Variants in KLRC1 observed in about 807,000 individuals in gnomAD.
The protein encoded by KLRC1 is killer cell lectin like receptor C1.
KLRC1 carries 22 observed loss-of-function variants against 25.9 expected under a neutral mutation model. The ratio of observed to expected loss-of-function variants is 0.85; its 90% CI spans 0.61 to 1.21. The LOEUF (loss-of-function observed/expected upper bound fraction) is 1.21, where lower values mean the gene tolerates loss of function less well. Ranked by LOEUF, KLRC1 falls within the 50% of genes most tolerant of loss-of-function variation. The pLI is 0.00. For missense variants in KLRC1, 240 were observed against 272.2 expected (o/e 0.88, Z 0.83); for synonymous variants, 77 against 93.1 (o/e 0.83, Z 0.99).
chr12:10,450,420 G>T, intron 3 of KLRC1, 64 bp downstream of exon 3: 1 of 871,290 alleles, frequency 1.1e-6, no homozygotes, highest in Non-Finnish European at 1.9e-6. Flanking sequence ...AATATGAAAT[G>T]TTTAGAGGCA....
chr12:10,447,726 A>G (rs1314557979), intron 5 of KLRC1, 94 bp from the exon 6 acceptor site: 1 of 964,158 alleles, frequency 1.0e-6, no homozygotes, highest in Non-Finnish European at 1.5e-6. Context: ...TTGCAGTGCC[A>G]AAAACTTTCA....
chr12:10,442,427 A>G, downstream of KLRC1: 2 of 207,082 alleles, frequency 9.7e-6, no homozygotes, highest in Non-Finnish European at 1.8e-5. Context: ...CTGTGCTTAC[A>G]TATTTCCATA....
At position 10,446,238 on chromosome 12, in the gene KLRC1, G is replaced by A. The variant is rs72475450; in HGVS notation, c.*313C>T. On this transcript the variant is annotated 3_prime_UTR_variant, in exon 7 of 7. Transcript: ENST00000359151. The stretch of plus-strand genomic sequence containing the variant: ...CTATTTCAACCTCCCTCAGACATTG[G>A]CAACCACTATTCTACTTTCTGTCTC... The A allele has an allele frequency of 0.039, 16,304 of 420,652 alleles. 1,263 individuals carry two copies. The highest frequency in any genetic ancestry group is 0.23 in the South Asian group (4,077 of 17,456). 26.1% of individuals were successfully genotyped at this position (420,652 alleles called of 1,614,324 possible).
intron 4 of KLRC1, 139 bp from the exon 5 acceptor site, chr12:10,449,527 CAA>C: frequency 7.1e-7 from 1 of 1,414,066 alleles, no homozygotes; most frequent in South Asian, 1.4e-5. Flanking sequence ...TATATAGTGT[CAA>C]AATACCCAGT....
rs1242426721 is a variant in KLRC1 at position 10,446,056 on chromosome 12, G to C, written c.*495C>G. 2.0e-5 allele frequency: 3 copies of C among 147,572 alleles called. No individual in the cohort carries two copies. Among genetic ancestry groups the C allele is most frequent in the Non-Finnish European group, 3.0e-5 (2 of 67,184 alleles). The allele number at this position is 147,572 out of a possible 1,614,324, so 9.1% of individuals were successfully genotyped here. On this transcript the variant is annotated 3_prime_UTR_variant, in exon 7 of 7. Transcript: ENST00000359151. ...TTTTTTTTTTCTGGATAGCTTTATTGAAGTGTCGTGTACAAAGCATACATT... is the reference window on the plus strand; with the variant it reads ...TTTTTTTTTTCTGGATAGCTTTATTCAAGTGTCGTGTACAAAGCATACATT...
At position 10,446,516 on chromosome 12, in the gene KLRC1, T is replaced by G; in HGVS notation, c.*35A>C. 5.1e-6 allele frequency: 8 copies of G among 1,570,038 alleles called. No individual in the cohort carries two copies. Among genetic ancestry groups the G allele is most frequent in the Non-Finnish European group, 6.9e-6 (8 of 1,152,246 alleles). ...ATTTCTATTTTAAGAAATATACAAT[T>G]TATCTGATGCACTGCAAATGCAAAC... On this transcript the variant is annotated 3_prime_UTR_variant, in exon 7 of 7. Transcript: ENST00000359151.
Position 10,450,445 on chromosome 12 carries a change from C to A in KLRC1, c.283+39G>T, listed in dbSNP as rs202024250. On this transcript the variant is annotated intron_variant, in intron 3 of 6. Transcript: ENST00000359151. Reference sequence around the variant, plus strand: ...GTTTAGAGGCACATTCAATCATTAACGTGAAAATTCCCCTTGTAATCTTCG... The same window carrying A: ...GTTTAGAGGCACATTCAATCATTAAAGTGAAAATTCCCCTTGTAATCTTCG... 74 of 1,105,796 alleles carry A rather than the reference C, an allele frequency of 6.7e-5. 1 individual carries two copies. In the Middle Eastern group the frequency reaches 6.4e-3, roughly 95 times the overall value. 68.5% of individuals were successfully genotyped at this position (1,105,796 alleles called of 1,614,324 possible). A position where few individuals can be genotyped will look rare whatever the true frequency, so the allele number is the denominator to read the frequency against.
At chr12:10,450,262 G>A in intron 3 of KLRC1, 2 of 465,910 alleles carry the variant, frequency 4.3e-6, no homozygotes, top group Non-Finnish European at 3.7e-6. Flanking sequence ...ATATTTTTGA[G>A]TTATGAAATC....
In KLRC1 at chr12:10,451,042, T is replaced by A; in HGVS notation, c.115A>T (p.Thr39Ser). The change falls in exon 2 of 7, where the codon ACC becomes TCC. Residue 39 changes from threonine to serine, a missense_variant. Transcript: ENST00000359151. ...NSILATEQEI[T>S]YAELNLQKAS... ...TTTTGAAGGTTTAATTCCGCATAGG[T>A]TATTTCCTGTTCAGTTGCTAAAATG... 6.2e-7 allele frequency: 1 copy of A among 1,614,064 alleles called. No individual in the cohort carries two copies. The highest frequency in any genetic ancestry group is 8.5e-7 in the Non-Finnish European group (1 of 1,179,982).
chr12:10,453,488 C>T (rs1230915223), upstream of KLRC1: 1 of 357,720 alleles, frequency 2.8e-6, no homozygotes, highest in Non-Finnish European at 3.9e-6. Context: ...ATATAGGATA[C>T]TTGGTCTATT....
chr12:10,449,474 T>C, intron 4 of KLRC1, 86 bp from the exon 5 acceptor site: 2 of 1,558,670 alleles, frequency 1.3e-6, no homozygotes, highest in South Asian at 2.5e-5. Context: ...CATATAAACC[T>C]ATACGTATGC....
At chr12:10,451,259 A>C (rs1381284123) in intron 1 of KLRC1, 72 bp from the exon 2 acceptor site, 4 of 845,038 alleles carry the variant, frequency 4.7e-6, no homozygotes, top group African/African-American at 1.7e-5. Flanking sequence ...TAAAAGGGTG[A>C]GGTGGAGAAC....
At chr12:10,450,404 C>T in intron 3 of KLRC1, 80 bp downstream of exon 3, 2 of 757,876 alleles carry the variant, frequency 2.6e-6, no homozygotes, top group Non-Finnish European at 2.3e-6. Flanking sequence ...AACTCTATTC[C>T]CTGAAAATAT....
chr12:10,445,559 G>T (rs1320909330), downstream of KLRC1, among the ~76,000 whole-genome samples: 2 of 151,696 alleles, frequency 1.3e-5, no homozygotes, highest in Admixed American at 1.3e-4. Context: ...TTCAACTATG[G>T]GTATAAAACC....
At chr12:10,452,358 A>G (rs1417903860) in intron 1 of KLRC1, among the ~76,000 whole-genome samples, 1 of 152,172 alleles carries the variant, frequency 6.6e-6, no homozygotes, top group Non-Finnish European at 1.5e-5. Context: ...TAATTAAATC[A>G]TTTAGTCAAT....
At chr12:10,444,173 C>A (rs1307143678), downstream of KLRC1, among the ~76,000 whole-genome samples, 1 of 140,320 alleles carries the variant, frequency 7.1e-6, no homozygotes, top group African/African-American at 2.7e-5. Flanking sequence ...AATTAAATAA[C>A]CATTGAATGC....
chr12:10,449,428 T>C (rs750849244), intron 4 of KLRC1, 40 bp from the exon 5 acceptor site: 11 of 1,594,950 alleles, frequency 6.9e-6, no homozygotes, highest in Non-Finnish European at 8.5e-6. Context: ...CCAATATGAA[T>C]TTTTAAAAAT....
chr12:10,448,236 C>T (rs1284115160), intron 5 of KLRC1, among the ~76,000 whole-genome samples: 1 of 152,144 alleles, frequency 6.6e-6, no homozygotes, highest in Non-Finnish European at 1.5e-5. Flanking sequence ...ATGAAATTGT[C>T]TGGGACCCTA....
Position 10,446,303 on chromosome 12 carries a change from T to C in KLRC1, c.*248A>G. On this transcript the variant is annotated 3_prime_UTR_variant, in exon 7 of 7. Transcript: ENST00000359151. ...TTCTTGGTACTTCCTATAAGCTGAC[T>C]CACATAACATGCAACTTTTAGAAAG... 9.9e-7 allele frequency: 1 copy of C among 1,013,180 alleles called. No homozygotes were observed. Among genetic ancestry groups the C allele is most frequent in the Non-Finnish European group, 1.3e-6 (1 of 781,942 alleles). The allele number at this position is 1,013,180 out of a possible 1,614,324, so 62.8% of individuals were successfully genotyped here. A position where few individuals can be genotyped will look rare whatever the true frequency, so the allele number is the denominator to read the frequency against.
Sources: gnomAD v4.1 joint callset for allele counts (sites outside exome capture counted in the v4.1 genomes callset) on GRCh38, gnomAD v4.1.1 for gene constraint, MANE v1.5 for transcripts, NCBI Gene and HGNC (gene_info 2026-07-23, HGNC 2026-07-21) for gene names.